Variants in COL5A3 observed in about 807,000 individuals in gnomAD.
The protein encoded by COL5A3 is collagen alpha-3(V) chain.
COL5A3 carries 172 observed loss-of-function variants against 250.0 expected under a neutral mutation model. That is an observed-to-expected ratio of 0.69 (90% CI 0.61 to 0.78). The LOEUF (loss-of-function observed/expected upper bound fraction) is 0.78. Ranked by LOEUF, COL5A3 falls within the 30% of genes least tolerant of loss-of-function variation. COL5A3 has a pLI of 0.00. For missense variants in COL5A3, 2,340 were observed against 2,334.4 expected (o/e 1.00, Z -0.05); for synonymous variants, 937 against 900.4 (o/e 1.04, Z -0.73).
chr19:9,972,853 G>T, intron 51 of COL5A3, 66 bp downstream of exon 51: 3 of 1,252,224 alleles, frequency 2.4e-6, no homozygotes, highest in Middle Eastern at 2.8e-4. Context: ...AAAAAAGTTT[G>T]GGAGAGCTTC....
At chr19:9,975,251 TG>T (rs1469664342) in intron 45 of COL5A3, among the ~76,000 whole-genome samples, 2 of 152,032 alleles carry the variant, frequency 1.3e-5, no homozygotes, top group Non-Finnish European at 2.9e-5. Flanking sequence ...ATTTTTTTTT[TG>T]TATTTTTAGT....
At chr19:9,996,391 C>A in intron 13 of COL5A3, 42 bp downstream of exon 13, 1 of 1,606,370 alleles carries the variant, frequency 6.2e-7, no homozygotes. Context: ...GGCTCTATCA[C>A]TCTCTGGGGT....
Position 9,977,473 on chromosome 19 carries a change from C to T in COL5A3, c.3127-1G>A. On this transcript the variant is annotated splice_acceptor_variant, in intron 42 of 66. Coordinates refer to ENST00000264828, the MANE Select transcript of COL5A3 (RefSeq NM_015719.4). LOFTEE classifies it high-confidence loss of function. ...TGGGGCCAGGGGGGCCACGTTCTCC[C>T]TGTTGTGGGGAATGGAAAGGGGGAT... The T allele has an allele frequency of 4.0e-6, 6 of 1,517,030 alleles. No homozygotes were observed. The highest frequency in any genetic ancestry group is 4.4e-6 in the Non-Finnish European group (5 of 1,132,990). 94.0% of individuals were successfully genotyped at this position (1,517,030 alleles called of 1,614,324 possible).
intron 8 of COL5A3, among the ~76,000 whole-genome samples, chr19:9,999,054 CTTTTTCTTTCTTCTTTCT>C (rs2087315098): frequency 7.4e-6 from 1 of 134,640 alleles, no homozygotes; most frequent in Non-Finnish European, 1.5e-5. Context: ...CTTTCTTTCT[CTTTTTCTTTCTTCTTTCT>C]TTTTTCTTTT....
chr19:9,967,049 C>T (rs1014838344), intron 62 of COL5A3, among the ~76,000 whole-genome samples: 9 of 148,048 alleles, frequency 6.1e-5, no homozygotes, highest in Admixed American at 2.0e-4. Flanking sequence ...GAAATAGTGG[C>T]GCCAGTATAG....
chr19:9,963,669 G>T (rs1339826226), intron 64 of COL5A3, among the ~76,000 whole-genome samples: 2 of 151,926 alleles, frequency 1.3e-5, no homozygotes, highest in African/African-American at 4.8e-5. Flanking sequence ...AAAGTGCTGG[G>T]ATTACAGGTA....
intron 46 of COL5A3, 33 bp from the exon 47 acceptor site, chr19:9,974,257 G>C: frequency 6.2e-7 from 1 of 1,612,808 alleles, no homozygotes; most frequent in Non-Finnish European, 8.5e-7. Context: ...TGGGGCACCA[G>C]GTAGGGAGAA....
chr19:9,967,155 A>G (rs887414859), intron 62 of COL5A3, among the ~76,000 whole-genome samples, 192 bp downstream of exon 62: 2 of 152,096 alleles, frequency 1.3e-5, no homozygotes, highest in African/African-American at 4.8e-5. Flanking sequence ...TGTCCCCCCA[A>G]GTCCCCCCTC....
Position 9,970,571 on chromosome 19 carries a change from G to A in COL5A3, c.3936+51C>T, listed in dbSNP as rs376431521. 50 of 1,264,426 alleles carry A rather than the reference G, an allele frequency of 4.0e-5. No homozygotes were observed. In the African/African-American group the frequency reaches 5.0e-4, roughly 13 times the overall value. The allele number at this position is 1,264,426 out of a possible 1,614,324, so 78.3% of individuals were successfully genotyped here. Reference sequence around the variant, plus strand: ...GTGGGATGAGTGAGGTCTGTAAGGTGAGTGGGGGCTGTAGATAAGCTGAGG... The same window carrying A: ...GTGGGATGAGTGAGGTCTGTAAGGTAAGTGGGGGCTGTAGATAAGCTGAGG... On this transcript the variant is annotated intron_variant, in intron 54 of 66. Coordinates refer to ENST00000264828, the MANE Select transcript of COL5A3 (RefSeq NM_015719.4).
chr19:9,986,187 A>T (rs1697878725), intron 30 of COL5A3, 128 bp downstream of exon 30: 2 of 673,384 alleles, frequency 3.0e-6, no homozygotes, highest in Admixed American at 2.8e-5. Context: ...TGCTGAGCTG[A>T]GGAATTAAAG....
In COL5A3 at chr19:9,977,283, CT is replaced by C; in HGVS notation, c.3235-2del. 6.2e-7 allele frequency: 1 copy of C among 1,614,138 alleles called. No individual in the cohort carries two copies. The highest frequency in any genetic ancestry group is 8.5e-7 in the Non-Finnish European group (1 of 1,179,984). On this transcript the variant is annotated splice_acceptor_variant, in intron 43 of 66. Coordinates refer to ENST00000264828, the MANE Select transcript of COL5A3 (RefSeq NM_015719.4). LOFTEE classifies it high-confidence loss of function. ...TGTGTCCGGGGGCACCCACATCCCC[CT>C]GCAGAGGAAATGGGATGAAGGACCC...
At chr19:9,996,538 G>C in intron 12 of COL5A3, 22 bp from the exon 13 acceptor site, 1 of 1,613,896 alleles carries the variant, frequency 6.2e-7, no homozygotes, top group Non-Finnish European at 8.5e-7. Context: ...TTAGTGGTGA[G>C]GGAAGCCCCC....
At chr19:9,985,947 G>T (rs550834175) in intron 30 of COL5A3, 52 bp from the exon 31 acceptor site, 6 of 1,561,806 alleles carry the variant, frequency 3.8e-6, no homozygotes, top group Non-Finnish European at 4.4e-6. Flanking sequence ...GGAGGTCAGA[G>T]GCGGAAAGGT....
Position 9,986,414 on chromosome 19 carries a change from G to A in COL5A3, c.2253C>T (p.Pro751=), listed in dbSNP as rs745500970. The part of the protein sequence containing the change: ...DVGLKGDQGK[P]GAPGPRGEDG... ...CCTCTCCCCGGGGACCTGGAGCTCC[G>A]GGTTTCCCCTGGAAGAAAAAGGAGA... is the stretch of plus-strand genomic sequence containing the variant. The change falls in exon 30 of 67, where the codon CCC becomes CCT. Residue 751 remains proline, a synonymous_variant. Coordinates refer to ENST00000264828, the MANE Select transcript of COL5A3 (RefSeq NM_015719.4). 7.8e-5 allele frequency: 125 copies of A among 1,612,644 alleles called. No homozygotes were observed. The highest frequency in any genetic ancestry group is 6.6e-4 in the Middle Eastern group (4 of 6,080).
chr19:9,987,894 T>G (rs2087121890), intron 27 of COL5A3, among the ~76,000 whole-genome samples: 1 of 151,922 alleles, frequency 6.6e-6, no homozygotes, highest in African/African-American at 2.4e-5. Context: ...ATCATTATGC[T>G]GCTATATTCC....
At chr19:10,001,457 A>C (rs1233414306) in intron 8 of COL5A3, 67 bp downstream of exon 8, 2 of 1,529,672 alleles carry the variant, frequency 1.3e-6, no homozygotes, top group Non-Finnish European at 1.8e-6. Context: ...TAAATAAATA[A>C]ATTTTAAAAA....
At chr19:9,972,323 ACTCACTCGTTCATCCATTC>A (rs1315036134) in intron 51 of COL5A3, among the ~76,000 whole-genome samples, 4 of 42,562 alleles carry the variant, frequency 9.4e-5, no homozygotes, top group Non-Finnish European at 1.8e-4. Context: ...TCATCCATTC[ACTCACTCGTTCATCCATTC>A]ACTCATTTAT....
rs1451263440 is a variant in COL5A3 at position 9,967,400 on chromosome 19, C to G, written c.4405G>C (p.Gly1469Arg). The G allele has an allele frequency of 2.0e-6, 3 of 1,497,834 alleles. No homozygotes were observed. Among genetic ancestry groups the G allele is most frequent in the African/African-American group, 2.9e-5 (2 of 69,042 alleles). 92.8% of individuals were successfully genotyped at this position (1,497,834 alleles called of 1,614,324 possible). A position where few individuals can be genotyped will look rare whatever the true frequency, so the allele number is the denominator to read the frequency against. ...LGQKGSKGSP[G>R]SMGPRGDTGP... ...GTGTCTCCACGGGGGCCCATGGACCCCTGTAGGGAGAAGTCACTTGGAGAA... is the reference window on the plus strand; with the variant it reads ...GTGTCTCCACGGGGGCCCATGGACCGCTGTAGGGAGAAGTCACTTGGAGAA... Residue 1469 changes from glycine (G) to arginine (R), a missense_variant and splice_region_variant, in exon 62 of 67, where the codon GGG (glycine) becomes CGG (arginine). Gly to Arg is a moderately radical substitution (Grantham distance 125). Coordinates refer to ENST00000264828, the MANE Select transcript of COL5A3 (RefSeq NM_015719.4).
rs759421318 is a variant in COL5A3, at chr19:9,960,868, C to T, written c.4874G>A (p.Gly1625Glu). The change falls in exon 66 of 67, where the codon GGG (glycine) becomes GAG (glutamate). Residue 1625 changes from glycine to glutamate, a missense_variant. Gly to Glu is a moderately conservative substitution (Grantham distance 98, BLOSUM62 -2). Around this residue, in one of 3 missense-constraint regions of COL5A3, gnomAD observed 1,179 missense variants for 1,162.6 expected, o/e 1.01. Transcript: ENST00000264828. The stretch of plus-strand genomic sequence containing the variant: ...CAGCTGCACGACATTCACTGGGGAC[C>T]CGTCGGCGTCCACGTAGGAGAACTG... ...GKKFSYVDAD[G>E]SPVNVVQLNF... 7 of 1,607,698 alleles carry T rather than the reference C, an allele frequency of 4.4e-6. No homozygotes were observed. In the South Asian group the frequency reaches 7.7e-5, roughly 18 times the overall value.
Sources: gnomAD v4.1 joint callset for allele counts (sites outside exome capture counted in the v4.1 genomes callset) on GRCh38, gnomAD v4.1.1 for gene constraint, gnomAD v4.1.1 regional missense constraint, MANE v1.5 for transcripts, NCBI Gene and HGNC (gene_info 2026-07-23, HGNC 2026-07-21) for gene names.